Variants in NFIA observed in about 807,000 individuals in gnomAD.
The protein encoded by NFIA is nuclear factor 1 A-type.
NFIA carries 8 observed loss-of-function variants against 62.8 expected under a neutral mutation model. The observed-to-expected ratio is 0.13, with a 90% CI of 0.07 to 0.23. The LOEUF is 0.23. Among genes scored for constraint, NFIA ranks in the 10% least tolerant of loss-of-function variants. The pLI is 1.00. For missense variants in NFIA, 410 were observed against 642.1 expected, an observed-to-expected ratio of 0.64 and a Z score of 3.91; for synonymous variants, 235 against 238.1, an observed-to-expected ratio of 0.99 and a Z score of 0.12.
chr1:61,081,901 A>G, upstream of NFIA: 14 of 1,547,014 alleles, frequency 9.0e-6, no homozygotes, highest in Non-Finnish European at 1.2e-5. Flanking sequence ...TGGGGGAAAA[A>G]AAGTTACCTA....
intron 2 of NFIA, among the ~76,000 whole-genome samples, chr1:61,140,058 A>G (rs1316130358): frequency 6.6e-6 from 1 of 152,170 alleles, no homozygotes; most frequent in African/African-American, 2.4e-5. Context: ...ATATCCAAAG[A>G]GTTAAATGCC....
chr1:61,156,587 G>C (rs778726065), intron 2 of NFIA, among the ~76,000 whole-genome samples: 1 of 152,202 alleles, frequency 6.6e-6, no homozygotes, highest in Non-Finnish European at 1.5e-5. Flanking sequence ...AAATTGTCCA[G>C]TGTTGGCAGT....
chr1:61,414,905 A>G (rs1006022367), intron 9 of NFIA, among the ~76,000 whole-genome samples: 1 of 152,174 alleles, frequency 6.6e-6, no homozygotes, highest in Non-Finnish European at 1.5e-5. Flanking sequence ...CTTGTAACCA[A>G]TACCACAGAC....
intron 10 of NFIA, among the ~76,000 whole-genome samples, chr1:61,453,681 C>A (rs910558131): frequency 6.6e-6 from 1 of 152,082 alleles, no homozygotes; most frequent in Non-Finnish European, 1.5e-5. Context: ...AGCATTATTC[C>A]CCGCACCCAA....
chr1:61,257,928 G>C (rs1017210908), intron 2 of NFIA, among the ~76,000 whole-genome samples: 1 of 146,286 alleles, frequency 6.8e-6, no homozygotes, highest in African/African-American at 2.5e-5. Context: ...AGTTTCCCAG[G>C]CTGGTCTTAA....
intron 5 of NFIA, among the ~76,000 whole-genome samples, chr1:61,355,744 C>T (rs1294499822): frequency 6.6e-6 from 1 of 150,910 alleles, no homozygotes; most frequent in Non-Finnish European, 1.5e-5. Context: ...CCACACGCGG[C>T]TGATTTAAAA....
intron 2 of NFIA, among the ~76,000 whole-genome samples, chr1:61,163,173 A>G (rs949363751): frequency 1.3e-5 from 2 of 152,216 alleles, no homozygotes; most frequent in Admixed American, 6.5e-5. Flanking sequence ...CAAATACTTG[A>G]CATAATATTC....
intron 2 of NFIA, among the ~76,000 whole-genome samples, chr1:61,226,763 G>A (rs1245450673): frequency 6.6e-6 from 1 of 152,196 alleles, no homozygotes; most frequent in African/African-American, 2.4e-5. Context: ...TTGCTCAAGA[G>A]TCTAAGAAGG....
At chr1:61,298,938 C>T (rs888511398) in intron 3 of NFIA, among the ~76,000 whole-genome samples, 4 of 152,232 alleles carry the variant, frequency 2.6e-5, no homozygotes, top group Middle Eastern at 3.4e-3. Context: ...TATTTCCTTC[C>T]GAGTAATAGT....
intron 3 of NFIA, among the ~76,000 whole-genome samples, chr1:61,309,101 C>T (rs1659954050): frequency 6.6e-6 from 1 of 152,160 alleles, no homozygotes; most frequent in Admixed American, 6.5e-5. Context: ...TTTTCCCCAG[C>T]TTCCTCCTTT....
chr1:61,153,266 C>G (rs1484563878), intron 2 of NFIA, among the ~76,000 whole-genome samples: 1 of 152,190 alleles, frequency 6.6e-6, no homozygotes, highest in Non-Finnish European at 1.5e-5. Flanking sequence ...TATGTTGTAT[C>G]AGCAGCCTGC....
At chr1:61,099,807 T>C (rs1646478191) in intron 2 of NFIA, among the ~76,000 whole-genome samples, 3 of 152,226 alleles carry the variant, frequency 2.0e-5, no homozygotes, top group Admixed American at 6.5e-5. Context: ...AATTATCTTT[T>C]CTTATGTGTT....
chr1:61,342,907 T>C (rs1367368173), intron 4 of NFIA, among the ~76,000 whole-genome samples: 1 of 152,214 alleles, frequency 6.6e-6, no homozygotes, highest in African/African-American at 2.4e-5. Context: ...TAGTTTCTCA[T>C]TTCTAAATGA....
chr1:61,328,196 A>G (rs1468053758), intron 3 of NFIA, among the ~76,000 whole-genome samples: 1 of 151,612 alleles, frequency 6.6e-6, no homozygotes, highest in Admixed American at 6.6e-5. Flanking sequence ...ACTTTCTGAT[A>G]GGGCAGGGGG....
chr1:61,347,191 T>TTTTTTTTTTG (rs1662277642), intron 4 of NFIA, among the ~76,000 whole-genome samples: 1 of 110,452 alleles, frequency 9.1e-6, no homozygotes, highest in African/African-American at 4.0e-5. Flanking sequence ...TTTTTTTTTT[T>TTTTTTTTTTG]GAGATGGAGT....
At chr1:61,177,653 TTGTGTGTG>T (rs56299869) in intron 2 of NFIA, among the ~76,000 whole-genome samples, 14 of 146,146 alleles carry the variant, frequency 9.6e-5, no homozygotes, top group Admixed American at 1.4e-4. Flanking sequence ...GTTTTCTCTA[TTGTGTGTG>T]TGTGTGTGTG....
At chr1:61,092,455 T>G (rs1226850860) in intron 2 of NFIA, among the ~76,000 whole-genome samples, 1 of 152,146 alleles carries the variant, frequency 6.6e-6, no homozygotes, top group Non-Finnish European at 1.5e-5. Flanking sequence ...ATTATTACCT[T>G]TACTTAATTT....
chr1:61,348,548 G>A (rs1662370812), intron 4 of NFIA, among the ~76,000 whole-genome samples: 1 of 152,160 alleles, frequency 6.6e-6, no homozygotes, highest in Non-Finnish European at 1.5e-5. Context: ...ATATGACCAA[G>A]CTAAGCCCGT....
At chr1:61,109,419 G>A (rs1243929095) in intron 2 of NFIA, among the ~76,000 whole-genome samples, 1 of 151,724 alleles carries the variant, frequency 6.6e-6, no homozygotes, top group Admixed American at 6.6e-5. Context: ...TCAATCATAG[G>A]AACTTGTCTC....
Sources: gnomAD v4.1 joint callset for allele counts (sites outside exome capture counted in the v4.1 genomes callset) on GRCh38, gnomAD v4.1.1 for gene constraint, MANE v1.5 for transcripts, NCBI Gene and HGNC (gene_info 2026-07-23, HGNC 2026-07-21) for gene names.